CASD1: variants seen among roughly 807,000 people sequenced by gnomAD.
CASD1 encodes N-acetylneuraminate (7)9-O-acetyltransferase.
A neutral mutation model predicts 100.0 loss-of-function variants in CASD1; 41 were observed. The observed-to-expected ratio is 0.41, with a 90% CI of 0.32 to 0.53. The LOEUF is 0.53. Ranked by LOEUF, CASD1 falls within the 20% of genes least tolerant of loss-of-function variation. The pLI, the probability that CASD1 is intolerant of heterozygous loss-of-function variation, is 0.25. For synonymous variants in CASD1, 321 were observed against 315.6 expected, an observed-to-expected ratio of 1.02 and a Z score of -0.18; for missense variants, 774 against 948.7, an observed-to-expected ratio of 0.82 and a Z score of 2.42.
intron 8 of CASD1, among the ~76,000 whole-genome samples, chr7:94,536,226 G>C (rs1040503004): frequency 6.6e-6 from 1 of 152,114 alleles, no homozygotes; most frequent in African/African-American, 2.4e-5. Context: ...CTGGGTGACA[G>C]AGAGAGACTC....
intron 10 of CASD1, 96 bp from the exon 11 acceptor site, chr7:94,544,315 A>G: frequency 2.1e-6 from 3 of 1,431,680 alleles, no homozygotes; most frequent in Non-Finnish European, 2.9e-6. Flanking sequence ...CCAAATGCTA[A>G]TAATCATTTA....
the CASD1 span, among the ~76,000 whole-genome samples, chr7:94,581,735 A>G: frequency 1.3e-5 from 2 of 152,238 alleles, no homozygotes; most frequent in African/African-American, 2.4e-5. Context: ...ATAGTAGTCC[A>G]TGGTGTATAT....
chr7:94,533,599 CTT>C (rs1794960166), intron 6 of CASD1, 78 bp from the exon 7 acceptor site: 1 of 1,025,940 alleles, frequency 9.7e-7, no homozygotes, highest in Non-Finnish European at 1.4e-6. Flanking sequence ...AATAATAACA[CTT>C]GTTACAGTAG....
the CASD1 span, among the ~76,000 whole-genome samples, chr7:94,574,543 T>C: frequency 3.9e-5 from 6 of 152,226 alleles, no homozygotes; most frequent in South Asian, 1.2e-3. Flanking sequence ...TTTCTGATGG[T>C]TAGTTTTATT....
chr7:94,587,979 C>A, the CASD1 span: 8 of 1,413,470 alleles, frequency 5.7e-6, no homozygotes, highest in Non-Finnish European at 7.3e-6. Flanking sequence ...TTTAAAACTT[C>A]TCTTGCTTTT....
chr7:94,609,668 C>T, the CASD1 span, among the ~76,000 whole-genome samples: 2 of 152,176 alleles, frequency 1.3e-5, no homozygotes, highest in South Asian at 2.1e-4. Flanking sequence ...CAGTGAGATA[C>T]GCAACACACA....
the CASD1 span, chr7:94,603,310 C>A: frequency 1.2e-6 from 2 of 1,612,394 alleles, no homozygotes; most frequent in South Asian, 2.2e-5. Flanking sequence ...TTGCACCAGT[C>A]AATGTAAAAT....
In CASD1 at chr7:94,527,185, C is replaced by T; in HGVS notation, c.375C>T (p.Asp125=). 1 of 1,609,306 alleles carries T rather than the reference C, an allele frequency of 6.2e-7. No homozygotes were observed. Among genetic ancestry groups the T allele is most frequent in the Non-Finnish European group, 8.5e-7 (1 of 1,176,232 alleles). The change falls in exon 4 of 18, where the codon GAC becomes GAT. Residue 125 remains aspartate (D), a synonymous_variant. Coordinates refer to ENST00000297273, the MANE Select transcript of CASD1 (RefSeq NM_022900.5). ...AGCATGAAAACATTCCTTTTGAAGA[C>T]AAGACTGCATCAGTTAAAGTGGTAA... is the stretch of plus-strand genomic sequence containing the variant. ...GNKHENIPFE[D]KTASVKVDFL... is the part of the protein sequence containing the mutation.
chr7:94,613,889 T>G, the CASD1 span, among the ~76,000 whole-genome samples: 2 of 152,080 alleles, frequency 1.3e-5, no homozygotes, highest in Admixed American at 6.6e-5. Context: ...CCCAACTTCT[T>G]TCTAATGTAC....
intron 1 of CASD1, among the ~76,000 whole-genome samples, chr7:94,517,137 C>G (rs933658344): frequency 6.6e-6 from 1 of 152,120 alleles, no homozygotes; most frequent in Non-Finnish European, 1.5e-5. Flanking sequence ...CACTCGACCT[C>G]GAGTGATCTG....
At chr7:94,623,689 A>C in the CASD1 span, 1 of 432,314 alleles carries the variant, frequency 2.3e-6, no homozygotes, top group Non-Finnish European at 4.1e-6. Flanking sequence ...CATCATTAGT[A>C]AATGGATTAA....
downstream of CASD1, among the ~76,000 whole-genome samples, chr7:94,560,418 G>C (rs958746016): frequency 6.6e-6 from 1 of 152,146 alleles, no homozygotes; most frequent in African/African-American, 2.4e-5. Flanking sequence ...GAGGAATCCA[G>C]TACTTCCAAA....
the CASD1 span, among the ~76,000 whole-genome samples, chr7:94,573,080 G>A: frequency 6.6e-6 from 1 of 152,198 alleles, no homozygotes; most frequent in East Asian, 1.9e-4. Context: ...CCATTGGTCT[G>A]TGTTCCTGTT....
intron 10 of CASD1, among the ~76,000 whole-genome samples, chr7:94,539,371 C>G (rs1389964823): frequency 6.6e-6 from 1 of 151,990 alleles, no homozygotes; most frequent in Non-Finnish European, 1.5e-5. Context: ...TTGAAGTTAT[C>G]AGGAAACTTT....
At position 94,555,647 on chromosome 7, in the gene CASD1, G is replaced by T. The variant is rs761954815; in HGVS notation, c.2283G>T (p.Gln761His). The T allele has an allele frequency of 5.6e-6, 9 of 1,613,422 alleles. No homozygotes were observed. The highest frequency in any genetic ancestry group is 5.5e-5 in the South Asian group (5 of 91,066). The stretch of plus-strand genomic sequence containing the variant: ...CTCAGATCACTAATGATCTTGCACA[G>T]ATTATTATTCCTAAAGATAACTCAT... ...EISQITNDLA[Q>H]IIIPKDNSSL... is the part of the protein sequence containing the mutation. The change falls in exon 18 of 18, where the codon CAG becomes CAT. Residue 761 changes from glutamine (Q) to histidine (H), a missense_variant. This residue lies in a region of CASD1 where 175 missense variants were observed against 206.9 expected (regional missense o/e 0.85). Coordinates refer to ENST00000297273, the MANE Select transcript of CASD1 (RefSeq NM_022900.5).
chr7:94,511,349 A>C (rs959022538), intron 1 of CASD1, among the ~76,000 whole-genome samples: 1 of 152,200 alleles, frequency 6.6e-6, no homozygotes, highest in Non-Finnish European at 1.5e-5. Context: ...CTGTATTCTC[A>C]TCCCAGGAGA....
At chr7:94,618,936 C>T in the CASD1 span, 1 of 1,613,392 alleles carries the variant, frequency 6.2e-7, no homozygotes, top group Admixed American at 1.7e-5. Flanking sequence ...AAGAATTCTG[C>T]TTGATATGGC....
At chr7:94,529,316 T>A (rs1288402652) in intron 5 of CASD1, among the ~76,000 whole-genome samples, 1 of 152,160 alleles carries the variant, frequency 6.6e-6, no homozygotes, top group Non-Finnish European at 1.5e-5. Context: ...TCCTGCAAGA[T>A]CACAGAAAAC....
the CASD1 span, among the ~76,000 whole-genome samples, chr7:94,615,780 C>G: frequency 2.6e-5 from 4 of 152,174 alleles, no homozygotes; most frequent in African/African-American, 9.6e-5. Flanking sequence ...ACCATTTACA[C>G]TACATCACTC....
Sources: allele counts gnomAD v4.1 joint callset (sites outside exome capture counted in the v4.1 genomes callset), GRCh38; gene constraint gnomAD v4.1.1; regional missense constraint gnomAD v4.1.1; transcripts MANE v1.5; gene names NCBI Gene and HGNC (gene_info 2026-07-23, HGNC 2026-07-21).